The following TAF4B variants were observed in gnomAD, a reference collection of about 807,000 sequenced individuals.
TAF4B encodes TATA-box binding protein associated factor 4b, also known as transcription initiation factor TFIID subunit 4B.
Under a neutral mutation model 86.4 loss-of-function variants are expected in TAF4B, and 38 were observed. That is an observed-to-expected ratio of 0.44 (90% CI 0.34 to 0.58). The LOEUF (loss-of-function observed/expected upper bound fraction) is 0.58. Among genes scored for constraint, TAF4B ranks in the 20% least tolerant of loss-of-function variants. The probability of loss-of-function intolerance (pLI) is 0.02; values close to 1 mark genes in which losing one functional copy is unlikely to be tolerated. For synonymous variants in TAF4B, 388 were observed against 391.2 expected (o/e 0.99, Z 0.10); for missense variants, 988 against 1,027.6 (o/e 0.96, Z 0.53).
rs570892741 is a variant in TAF4B at position 26,286,553 on chromosome 18, T to C, written c.1590+54T>C. The C allele has an allele frequency of 9.1e-6, 14 of 1,534,118 alleles. No homozygotes were observed. In the Admixed American group the frequency reaches 2.9e-4, roughly 32 times the overall value. ...TACTTATTTTGAAAATTTTGAACAT[T>C]CAGAAAACTGGTAAGACTAGTAGAA... On this transcript the variant is annotated intron_variant, in intron 7 of 14. Transcript: ENST00000269142.
At chr18:26,245,309 A>G (rs1263854291) in intron 1 of TAF4B, among the ~76,000 whole-genome samples, 1 of 152,162 alleles carries the variant, frequency 6.6e-6, no homozygotes, top group African/African-American at 2.4e-5. Context: ...GCTGACTTCA[A>G]GAATGAAGCT....
At chr18:26,267,703 G>A (rs1293796482) in intron 3 of TAF4B, 80 bp downstream of exon 3, 1 of 947,262 alleles carries the variant, frequency 1.1e-6, no homozygotes, top group South Asian at 1.4e-5. Context: ...TGTTAGATAT[G>A]TAAGTTACTG....
At chr18:26,285,084 C>T (rs552602979) in intron 6 of TAF4B, among the ~76,000 whole-genome samples, 1 of 151,564 alleles carries the variant, frequency 6.6e-6, no homozygotes, top group Non-Finnish European at 1.5e-5. Context: ...CCTCCAACCT[C>T]AGCCCCTGCG....
chr18:26,322,685 A>G (rs985843930), intron 11 of TAF4B, among the ~76,000 whole-genome samples: 1 of 152,050 alleles, frequency 6.6e-6, no homozygotes, highest in Admixed American at 6.5e-5. Context: ...AGCTTTTCAA[A>G]TAACCAACTT....
intron 9 of TAF4B, among the ~76,000 whole-genome samples, chr18:26,300,027 G>A (rs934051367): frequency 2.6e-5 from 4 of 152,064 alleles, no homozygotes; most frequent in Non-Finnish European, 5.9e-5. Flanking sequence ...TTGAGACAGA[G>A]TCTCACTCTG....
At chr18:26,379,339 A>G (rs939159010) in intron 14 of TAF4B, among the ~76,000 whole-genome samples, 4 of 152,014 alleles carry the variant, frequency 2.6e-5, no homozygotes, top group Non-Finnish European at 5.9e-5. Flanking sequence ...TTTAACTTTT[A>G]TGTTATAGGT....
At chr18:26,379,066 A>G (rs1454539668) in intron 14 of TAF4B, among the ~76,000 whole-genome samples, 2 of 152,148 alleles carry the variant, frequency 1.3e-5, no homozygotes, top group Non-Finnish European at 2.9e-5. Context: ...ACTTAGGAGT[A>G]CTACTGTTGG....
chr18:26,240,304 C>T (rs564742852), intron 1 of TAF4B, among the ~76,000 whole-genome samples: 1 of 152,270 alleles, frequency 6.6e-6, no homozygotes, highest in African/African-American at 2.4e-5. Context: ...CTTCACGTCC[C>T]TTGTAAGTTG....
At chr18:26,244,483 C>T (rs539848166) in intron 1 of TAF4B, among the ~76,000 whole-genome samples, 2 of 152,312 alleles carry the variant, frequency 1.3e-5, no homozygotes, top group East Asian at 3.9e-4. Context: ...TCACGGCTTC[C>T]CTTGGCTAGT....
At chr18:26,282,567 A>T (rs1440856426) in intron 6 of TAF4B, among the ~76,000 whole-genome samples, 1 of 152,222 alleles carries the variant, frequency 6.6e-6, no homozygotes, top group Non-Finnish European at 1.5e-5. Context: ...TTTGATGGTA[A>T]AGAGTCTTAC....
intron 1 of TAF4B, among the ~76,000 whole-genome samples, chr18:26,233,124 T>G (rs986536901): frequency 1.3e-5 from 2 of 152,136 alleles, no homozygotes; most frequent in African/African-American, 4.8e-5. Context: ...CAGAACTGGT[T>G]GTGTATGTTA....
intron 12 of TAF4B, among the ~76,000 whole-genome samples, chr18:26,330,403 T>C (rs1306662691): frequency 6.6e-6 from 1 of 152,176 alleles, no homozygotes; most frequent in Non-Finnish European, 1.5e-5. Flanking sequence ...ATGTCCTCAC[T>C]TTCAGGCACA....
intron 14 of TAF4B, among the ~76,000 whole-genome samples, chr18:26,380,371 T>C (rs1380715923): frequency 1.3e-5 from 2 of 152,348 alleles, no homozygotes; most frequent in East Asian, 1.9e-4. Context: ...ACTTTGAAGA[T>C]ATTTCCTAAC....
intron 13 of TAF4B, among the ~76,000 whole-genome samples, chr18:26,337,424 CTTTTTTT>C (rs551888808): frequency 1.6e-5 from 2 of 126,144 alleles, no homozygotes; most frequent in African/African-American, 5.8e-5. Context: ...TTCTTTCTTT[CTTTTTTT>C]TTTTTTTTTT....
intron 9 of TAF4B, among the ~76,000 whole-genome samples, chr18:26,314,734 T>G (rs974669929): frequency 6.6e-6 from 1 of 152,188 alleles, no homozygotes. Flanking sequence ...GTGGAATGAA[T>G]GGTAGAGTAC....
intron 1 of TAF4B, among the ~76,000 whole-genome samples, chr18:26,254,220 G>T (rs2056048448): frequency 1.3e-5 from 2 of 152,176 alleles, no homozygotes; most frequent in East Asian, 3.9e-4. Context: ...GAGCCACCAT[G>T]CCTGGCCTCA....
chr18:26,346,797 ATGTGTATATATATATATATG>A (rs2057190148), intron 13 of TAF4B, among the ~76,000 whole-genome samples: 3 of 21,374 alleles, frequency 1.4e-4, no homozygotes, highest in Non-Finnish European at 2.4e-4. Flanking sequence ...ATATATATAT[ATGTGTATATATATATATATG>A]TGTGTGTATA....
At chr18:26,351,651 T>C (rs2144725860) in intron 13 of TAF4B, among the ~76,000 whole-genome samples, 1 of 152,106 alleles carries the variant, frequency 6.6e-6, no homozygotes, top group African/African-American at 2.4e-5. Context: ...AAATTAATAT[T>C]CAATAATCAG....
chr18:26,231,809 T>G (rs1325250525), intron 1 of TAF4B, among the ~76,000 whole-genome samples: 1 of 152,138 alleles, frequency 6.6e-6, no homozygotes, highest in Non-Finnish European at 1.5e-5. Context: ...CAAGGTTTAT[T>G]GTGAAGAGCA....
Sources: allele counts gnomAD v4.1 joint callset (sites outside exome capture counted in the v4.1 genomes callset), GRCh38; gene constraint gnomAD v4.1.1; transcripts MANE v1.5; gene names NCBI Gene and HGNC (gene_info 2026-07-23, HGNC 2026-07-21).